The following RPAP2 variants were observed in gnomAD, a reference collection of about 807,000 sequenced individuals.
RPAP2 encodes the protein putative RNA polymerase II subunit B1 CTD phosphatase RPAP2.
RPAP2 carries 52 observed loss-of-function variants against 73.1 expected under a neutral mutation model. The observed-to-expected ratio is 0.71, with a 90% confidence interval of 0.57 to 0.90. RPAP2 has a LOEUF of 0.90. Ranked by LOEUF, RPAP2 falls within the 40% of genes least tolerant of loss-of-function variation. RPAP2 has a pLI of 0.00. For synonymous variants in RPAP2, 225 were observed against 242.1 expected, an observed-to-expected ratio of 0.93 and a Z score of 0.65; for missense variants, 598 against 701.8, an observed-to-expected ratio of 0.85 and a Z score of 1.67.
chr1:92,350,663 G>A (rs1654156309), intron 11 of RPAP2, among the ~76,000 whole-genome samples: 1 of 152,218 alleles, frequency 6.6e-6, no homozygotes, highest in African/African-American at 2.4e-5. Flanking sequence ...CTATAGGCCA[G>A]GTGCAGTGGC....
chr1:92,346,053 A>G lies in RPAP2; in HGVS notation c.1688+139A>G, dbSNP rs138046440. The G allele has an allele frequency of 2.3e-3, 1,207 of 535,796 alleles. 11 individuals carry two copies. Among genetic ancestry groups the G allele is most frequent in the African/African-American group, 0.018 (951 of 51,506 alleles). The allele number at this position is 535,796 out of a possible 1,614,324, so 33.2% of individuals were successfully genotyped here. ...ATTTTGTGCCTTATTTTCCTTTCCTATGTAAGAAAACAATTTTTATTTAAA... is the reference window on the plus strand; with the variant it reads ...ATTTTGTGCCTTATTTTCCTTTCCTGTGTAAGAAAACAATTTTTATTTAAA... On this transcript the variant is annotated intron_variant, in intron 11 of 12. Coordinates refer to ENST00000610020, the MANE Select transcript of RPAP2 (RefSeq NM_024813.3).
At chr1:92,345,973 A>T in intron 11 of RPAP2, 59 bp downstream of exon 11, 2 of 1,177,324 alleles carry the variant, frequency 1.7e-6, no homozygotes, top group Non-Finnish European at 1.2e-6. Flanking sequence ...TTGATTAGGG[A>T]AAAACAAAGT....
chr1:92,336,097 T>C (rs757773631), intron 9 of RPAP2, among the ~76,000 whole-genome samples: 2 of 152,186 alleles, frequency 1.3e-5, no homozygotes, highest in African/African-American at 2.4e-5. Context: ...GACAAGAATT[T>C]AAATAGCTGC....
intron 11 of RPAP2, among the ~76,000 whole-genome samples, chr1:92,366,618 A>G (rs546076979): frequency 3.3e-5 from 5 of 152,314 alleles, no homozygotes; most frequent in Admixed American, 2.0e-4. Flanking sequence ...CTTTTCCTCA[A>G]TAACAAACAA....
Position 92,323,894 on chromosome 1 carries a change from C to T in RPAP2, c.974C>T (p.Thr325Ile), listed in dbSNP as rs1652465203. ...SESEYSRSEI[T>I]LVGISKKSAE... ...AGTGAATACAGTAGGTCAGAAATAA[C>T]TCTAGTAGGCATAAGTAAGAAAAGT... The change falls in exon 8 of 13, where the codon ACT becomes ATT. Residue 325 changes from threonine to isoleucine, a missense_variant. Around this residue, in one of 3 missense-constraint regions of RPAP2, gnomAD observed 506 missense variants for 612.8 expected, o/e 0.83. Coordinates refer to ENST00000610020, the MANE Select transcript of RPAP2 (RefSeq NM_024813.3). 1.2e-6 allele frequency: 2 copies of T among 1,614,092 alleles called. No homozygotes were observed. Among genetic ancestry groups the T allele is most frequent in the Non-Finnish European group, 1.7e-6 (2 of 1,179,978 alleles).
chr1:92,400,123 G>A lies in RPAP2; in HGVS notation c.*13112G>A, dbSNP rs1656279149. 6.6e-6 allele frequency: 1 copy of A among 152,154 alleles called. No individual in the cohort carries two copies. The highest frequency in any genetic ancestry group is 6.5e-5 in the Admixed American group (1 of 15,276). The allele number at this position is 152,154 out of a possible 1,614,324, so 9.4% of individuals were successfully genotyped here. On this transcript the variant is annotated 3_prime_UTR_variant, in exon 13 of 13. Transcript: ENST00000610020. The stretch of plus-strand genomic sequence containing the variant: ...CTAACTAAGCAACAAAAAGCCCAAT[G>A]AGCTCTGGAGAGAGAGAGGGAGCTA...
intron 3 of RPAP2, among the ~76,000 whole-genome samples, chr1:92,302,521 A>G (rs1386492064): frequency 6.8e-6 from 1 of 147,748 alleles, no homozygotes; most frequent in Non-Finnish European, 1.5e-5. Context: ...CAATTTTCTT[A>G]TTTCAAAAAC....
At chr1:92,305,215 G>A (rs1404731758) in intron 5 of RPAP2, among the ~76,000 whole-genome samples, 1 of 151,826 alleles carries the variant, frequency 6.6e-6, no homozygotes, top group Non-Finnish European at 1.5e-5. Flanking sequence ...GGCAGATCAC[G>A]AGGTCAGGAA....
chr1:92,354,676 T>C (rs964629596), intron 11 of RPAP2, among the ~76,000 whole-genome samples: 2 of 152,110 alleles, frequency 1.3e-5, no homozygotes, highest in Non-Finnish European at 2.9e-5. Context: ...TAGTTTCTTA[T>C]AATCAAAGTT....
intron 3 of RPAP2, among the ~76,000 whole-genome samples, chr1:92,302,497 C>T (rs897318266): frequency 6.7e-6 from 1 of 149,136 alleles, no homozygotes; most frequent in Non-Finnish European, 1.5e-5. Context: ...TTATTTTTGT[C>T]AATGTAATTT....
chr1:92,371,851 C>T (rs1317352606), intron 11 of RPAP2, among the ~76,000 whole-genome samples: 1 of 136,488 alleles, frequency 7.3e-6, no homozygotes, highest in African/African-American at 2.8e-5. Context: ...CCGATTGCAC[C>T]ACTGCACTCC....
intron 5 of RPAP2, 39 bp from the exon 6 acceptor site, chr1:92,307,149 A>G: frequency 1.4e-6 from 2 of 1,403,402 alleles, no homozygotes; most frequent in Non-Finnish European, 2.0e-6. Context: ...GTAATGTTTC[A>G]TGATAAGAAA....
Position 92,323,974 on chromosome 1 carries a change from T to C in RPAP2, c.1054T>C (p.Ser352Pro). The C allele has an allele frequency of 6.2e-7, 1 of 1,614,166 alleles. No individual in the cohort carries two copies. The part of the protein sequence containing the change: ...AKSNQVSRSV[S>P]SSVQVCPEVG... ...ATCAAACCAAGTGTCTAGGTCAGTG[T>C]CTAGTTCAGTGCAGGTGTGTCCTGA... Residue 352 changes from serine (S) to proline (P), a missense_variant, in exon 8 of 13, where the codon TCT becomes CCT. By Grantham distance (74) the Ser-to-Pro change is moderately conservative (BLOSUM62 -1). Around this residue, in one of 3 missense-constraint regions of RPAP2, gnomAD observed 506 missense variants for 612.8 expected, o/e 0.83. Transcript: ENST00000610020.
In RPAP2 at chr1:92,307,263, C is replaced by T. The variant is rs1399910590; in HGVS notation, c.475C>T (p.Arg159Ter). 4.4e-6 allele frequency: 7 copies of T among 1,606,632 alleles called. No individual in the cohort carries two copies. Among genetic ancestry groups the T allele is most frequent in the South Asian group, 1.1e-5 (1 of 90,112 alleles). ...AATTCCCAAAACTCCAGTATGGGTT[C>T]GAGAAGAAGAGAGGTAATTTAAGTC... ...AQIPKTPVWVREEERHPDFQL... is the reference protein window; with the variant it reads ...AQIPKTPVWV The change falls in exon 6 of 13, where the codon CGA (arginine) becomes TGA (stop). Residue 159 changes from arginine (R) to a stop codon, truncating the protein, a stop_gained. Transcript: ENST00000610020. LOFTEE classifies it high-confidence loss of function.
chr1:92,334,987 CA>C (rs1369869875), intron 9 of RPAP2, among the ~76,000 whole-genome samples: 2 of 151,508 alleles, frequency 1.3e-5, no homozygotes, highest in Non-Finnish European at 2.9e-5. Context: ...GACTCCATCT[CA>C]AAAAAATAAA....
At chr1:92,383,245 A>G (rs1057198576) in intron 12 of RPAP2, among the ~76,000 whole-genome samples, 1 of 152,060 alleles carries the variant, frequency 6.6e-6, no homozygotes. Context: ...TTGACTTGGC[A>G]ATGCAGGCTC....
intron 11 of RPAP2, among the ~76,000 whole-genome samples, chr1:92,348,170 T>C (rs1654010332): frequency 6.6e-6 from 1 of 152,234 alleles, no homozygotes; most frequent in Non-Finnish European, 1.5e-5. Flanking sequence ...ATTACAGGCA[T>C]GAGCCACTGC....
rs544079820 is a variant in RPAP2 at position 92,399,311 on chromosome 1, C to G, written c.*12300C>G. 7.9e-5 allele frequency: 12 copies of G among 152,332 alleles called. No individual in the cohort carries two copies. Among genetic ancestry groups the G allele is most frequent in the South Asian group, 2.1e-4 (1 of 4,828 alleles). The allele number at this position is 152,332 out of a possible 1,614,324, so 9.4% of individuals were successfully genotyped here. On this transcript the variant is annotated 3_prime_UTR_variant, in exon 13 of 13. Coordinates refer to ENST00000610020, the MANE Select transcript of RPAP2 (RefSeq NM_024813.3). ...GGCTTGCAAAACTCCCTATGTCTTG[C>G]AGACCAAAAGCAAGTTCTCAGTCAC...
At chr1:92,380,977 A>C in intron 12 of RPAP2, 104 bp downstream of exon 12, 6 of 924,120 alleles carry the variant, frequency 6.5e-6, no homozygotes, top group Non-Finnish European at 9.4e-6. Flanking sequence ...TACAGACCTC[A>C]AGATGCCCTC....
Sources: gnomAD v4.1 joint callset for allele counts (sites outside exome capture counted in the v4.1 genomes callset) on GRCh38, gnomAD v4.1.1 for gene constraint, gnomAD v4.1.1 regional missense constraint, MANE v1.5 for transcripts, NCBI Gene and HGNC (gene_info 2026-07-23, HGNC 2026-07-21) for gene names.